The following EMCN variants were observed in gnomAD, a reference collection of about 807,000 sequenced individuals.
EMCN encodes the protein endomucin.
A neutral mutation model predicts 38.4 loss-of-function variants in EMCN; 37 were observed. The ratio of observed to expected loss-of-function variants is 0.96; its 90% confidence interval spans 0.74 to 1.27. EMCN has a LOEUF of 1.27. Ranked by LOEUF, EMCN falls within the 50% of genes most tolerant of loss-of-function variation. The pLI is 0.00. For synonymous variants in EMCN, 95 were observed against 100.8 expected, an observed-to-expected ratio of 0.94 and a Z score of 0.35; for missense variants, 318 against 302.8, an observed-to-expected ratio of 1.05 and a Z score of -0.37.
At chr4:100,413,934 G>A (rs949752106) in intron 10 of EMCN, among the ~76,000 whole-genome samples, 15 of 152,182 alleles carry the variant, frequency 9.9e-5, no homozygotes, top group African/African-American at 2.7e-4. Context: ...TACTGCTATG[G>A]TCACCACTAG....
chr4:100,463,549 A>C (rs1490161608), intron 4 of EMCN, among the ~76,000 whole-genome samples: 1 of 152,200 alleles, frequency 6.6e-6, no homozygotes, highest in African/African-American at 2.4e-5. Flanking sequence ...ACAAGTAATA[A>C]TTTTTAGTAA....
intron 10 of EMCN, among the ~76,000 whole-genome samples, chr4:100,413,310 G>A (rs1281083651): frequency 6.6e-6 from 1 of 151,916 alleles, no homozygotes; most frequent in Non-Finnish European, 1.5e-5. Flanking sequence ...TTTTATATAG[G>A]CAGCAGTAGA....
intron 1 of EMCN, among the ~76,000 whole-genome samples, chr4:100,507,265 G>A (rs1037764645): frequency 2.6e-5 from 4 of 152,266 alleles, no homozygotes; most frequent in Admixed American, 6.5e-5. Context: ...GTCAAACAAA[G>A]CTGGAATTTA....
chr4:100,476,545 G>A (rs894448958), intron 2 of EMCN, among the ~76,000 whole-genome samples: 5 of 152,198 alleles, frequency 3.3e-5, no homozygotes, highest in Admixed American at 3.3e-4. Context: ...TATTTTTAAA[G>A]ATATTATATT....
chr4:100,434,302 A>G (rs1463509396), intron 5 of EMCN, among the ~76,000 whole-genome samples: 1 of 150,938 alleles, frequency 6.6e-6, no homozygotes, highest in African/African-American at 2.4e-5. Flanking sequence ...CCCTCCAAAG[A>G]CTGAACCAGG....
At chr4:100,408,348 A>C (rs1027056583) in intron 11 of EMCN, among the ~76,000 whole-genome samples, 18 of 152,094 alleles carry the variant, frequency 1.2e-4, no homozygotes, top group Admixed American at 1.2e-3. Context: ...ACCTATGTGG[A>C]CTGATGTTTC....
chr4:100,404,021 G>A lies in EMCN; in HGVS notation c.*40-5648C>T, dbSNP rs75248685. Among the ~76,000 whole-genome samples, 117 of 152,056 alleles carry A rather than the reference G, an allele frequency of 7.7e-4. 1 individual carries two copies. The East Asian group carries it at 0.021, about 28-fold the overall frequency. ...AACATTTTCTCCCATTTTGTAAGTC[G>A]TCTGTTTACTCTGTTGATAGTTTCT... On this transcript the variant is annotated intron_variant, in intron 11 of 11. Transcript: ENST00000296420.
At chr4:100,498,129 T>C (rs1729257425) in intron 1 of EMCN, among the ~76,000 whole-genome samples, 2 of 152,160 alleles carry the variant, frequency 1.3e-5, no homozygotes, top group African/African-American at 4.8e-5. Context: ...AGATGTAAAT[T>C]GGATTCCAAA....
chr4:100,475,925 C>T (rs1355670746), intron 2 of EMCN, among the ~76,000 whole-genome samples: 1 of 152,082 alleles, frequency 6.6e-6, no homozygotes, highest in Non-Finnish European at 1.5e-5. Context: ...CCTCCCACCT[C>T]GGCCTCCCAA....
intron 3 of EMCN, among the ~76,000 whole-genome samples, chr4:100,472,003 C>T (rs1198453133): frequency 6.6e-6 from 1 of 151,866 alleles, no homozygotes; most frequent in Non-Finnish European, 1.5e-5. Context: ...GACAGTTTTT[C>T]CTGAGAGTTA....
At chr4:100,494,269 A>C (rs576544529) in intron 1 of EMCN, among the ~76,000 whole-genome samples, 111 of 152,294 alleles carry the variant, frequency 7.3e-4, no homozygotes, top group Middle Eastern at 6.8e-3. Flanking sequence ...GGGTTAATTA[A>C]AGTGAACACA....
intron 5 of EMCN, among the ~76,000 whole-genome samples, chr4:100,447,163 A>G (rs909461099): frequency 6.6e-6 from 1 of 152,226 alleles, no homozygotes; most frequent in Non-Finnish European, 1.5e-5. Flanking sequence ...CTTTTTGGAT[A>G]CTATGACCAG....
intron 5 of EMCN, 63 bp from the exon 6 acceptor site, chr4:100,423,467 T>C: frequency 2.5e-6 from 3 of 1,178,492 alleles, no homozygotes; most frequent in Admixed American, 3.4e-5. Context: ...GGGATTTCTT[T>C]GCAGATTCAA....
intron 1 of EMCN, among the ~76,000 whole-genome samples, chr4:100,488,529 G>A (rs1160772712): frequency 1.3e-5 from 2 of 152,156 alleles, no homozygotes; most frequent in African/African-American, 4.8e-5. Flanking sequence ...CACCATAGAA[G>A]AGCAAGTATA....
At chr4:100,500,018 A>T (rs922798632) in intron 1 of EMCN, among the ~76,000 whole-genome samples, 1 of 152,128 alleles carries the variant, frequency 6.6e-6, no homozygotes, top group Admixed American at 6.5e-5. Context: ...TTTTTTGTTC[A>T]TAGGGGATTT....
At chr4:100,463,658 A>G (rs1349965912) in intron 4 of EMCN, among the ~76,000 whole-genome samples, 1 of 151,570 alleles carries the variant, frequency 6.6e-6, no homozygotes, top group Non-Finnish European at 1.5e-5. Flanking sequence ...GTCAATCCCC[A>G]CTCCCATCTC....
At chr4:100,504,517 C>T (rs143925268) in intron 1 of EMCN, among the ~76,000 whole-genome samples, 1 of 152,264 alleles carries the variant, frequency 6.6e-6, no homozygotes, top group South Asian at 2.1e-4. Flanking sequence ...ACTCTTTATT[C>T]CAATATTATA....
intron 4 of EMCN, among the ~76,000 whole-genome samples, chr4:100,454,415 A>G (rs967975824): frequency 1.3e-5 from 2 of 152,094 alleles, no homozygotes; most frequent in African/African-American, 4.8e-5. Flanking sequence ...CATATAGTCA[A>G]TGATAAACGT....
rs746223710 is a variant in EMCN, at chr4:100,504,731, G to A, written c.64+13120C>T. Among the ~76,000 whole-genome samples, 13 of 152,340 alleles carry A rather than the reference G, an allele frequency of 8.5e-5. 1 individual carries two copies. In the South Asian group the frequency reaches 1.9e-3, roughly 22 times the overall value. On this transcript the variant is annotated intron_variant, in intron 1 of 11. Coordinates refer to ENST00000296420, the MANE Select transcript of EMCN (RefSeq NM_016242.4). ...TTGCCAAGCGGACCACGGTCTAGCG[G>A]TAGAGTCAGTGCCAAGGAAAAACAC...
Sources: allele counts gnomAD v4.1 joint callset (sites outside exome capture counted in the v4.1 genomes callset), GRCh38; gene constraint gnomAD v4.1.1; transcripts MANE v1.5; gene names NCBI Gene and HGNC (gene_info 2026-07-23, HGNC 2026-07-21).